GRIN2A: variants seen among roughly 807,000 people sequenced by gnomAD.
The protein encoded by GRIN2A is glutamate ionotropic receptor NMDA type subunit 2A.
A neutral mutation model predicts 113.4 loss-of-function variants in GRIN2A; 22 were observed. The ratio of observed to expected loss-of-function variants is 0.19; its 90% confidence interval spans 0.14 to 0.28. The LOEUF is 0.28. Ranked by LOEUF, GRIN2A falls within the 10% of genes least tolerant of loss-of-function variation. The pLI is 1.00. For missense variants in GRIN2A, 1,502 were observed against 1,887.0 expected, an observed-to-expected ratio of 0.80 and a Z score of 3.78; for synonymous variants, 827 against 738.4, an observed-to-expected ratio of 1.12 and a Z score of -1.94.
At chr16:9,995,910 G>C (rs1232986590) in intron 2 of GRIN2A, among the ~76,000 whole-genome samples, 1 of 149,818 alleles carries the variant, frequency 6.7e-6, no homozygotes, top group East Asian at 2.0e-4. Context: ...GGGAGGTAGA[G>C]AAATAAACTA....
chr16:9,896,954 T>C (rs1477618356), intron 3 of GRIN2A, among the ~76,000 whole-genome samples: 4 of 152,212 alleles, frequency 2.6e-5, no homozygotes, highest in Non-Finnish European at 5.9e-5. Context: ...TGCTTATCTC[T>C]ACAAAATTGA....
chr16:9,930,645 A>G (rs567350739), intron 3 of GRIN2A, among the ~76,000 whole-genome samples: 1 of 152,352 alleles, frequency 6.6e-6, no homozygotes, highest in African/African-American at 2.4e-5. Context: ...AAATATTTGC[A>G]AAGAGTTAAT....
At chr16:10,044,028 G>T (rs1284587591) in intron 2 of GRIN2A, among the ~76,000 whole-genome samples, 1,404 of 131,746 alleles carry the variant, frequency 0.011, 20 homozygotes, top group East Asian at 0.064. Context: ...TATATAGAGA[G>T]AGAGAGAGAG....
In GRIN2A at chr16:9,754,155, A is replaced by C. The variant is rs1039570832; in HGVS notation, c.*8994T>G. On this transcript the variant is annotated 3_prime_UTR_variant, in exon 13 of 13. Coordinates refer to ENST00000330684, the MANE Select transcript of GRIN2A (RefSeq NM_001134407.3). ...TTTCTGAACATTCAGCTTGAAATAT[A>C]TATACTATACATAAACATATACACA... 5.4e-6 allele frequency: 1 copy of C among 185,762 alleles called. No homozygotes were observed. Among genetic ancestry groups the C allele is most frequent in the Non-Finnish European group, 1.1e-5 (1 of 87,836 alleles). 11.5% of individuals were successfully genotyped at this position (185,762 alleles called of 1,614,324 possible).
At chr16:10,064,951 G>A (rs772207970) in intron 2 of GRIN2A, among the ~76,000 whole-genome samples, 1 of 152,124 alleles carries the variant, frequency 6.6e-6, no homozygotes, top group Non-Finnish European at 1.5e-5. Flanking sequence ...CTTTTTCAAT[G>A]TCACCTACCT....
chr16:10,112,903 G>A, intron 2 of GRIN2A: 6 of 449,238 alleles, frequency 1.3e-5, no homozygotes, highest in Non-Finnish European at 2.6e-5. Flanking sequence ...TGGAGGATGA[G>A]GTGGTGGAGG....
chr16:9,842,044 A>G (rs28373037), intron 5 of GRIN2A, among the ~76,000 whole-genome samples: 6,677 of 152,236 alleles, frequency 0.044, 497 homozygotes, highest in African/African-American at 0.15. Context: ...TGAGGTCAGG[A>G]GTTCAAGACC....
At chr16:10,096,410 G>A (rs553952977) in intron 2 of GRIN2A, among the ~76,000 whole-genome samples, 29 of 151,978 alleles carry the variant, frequency 1.9e-4, no homozygotes, top group South Asian at 4.2e-4. Flanking sequence ...GTGGTGTACC[G>A]GCAACCTGTG....
chr16:9,856,745 T>G (rs2141386220), intron 4 of GRIN2A, among the ~76,000 whole-genome samples: 1 of 152,244 alleles, frequency 6.6e-6, no homozygotes, highest in East Asian at 1.9e-4. Flanking sequence ...AACATGCTAC[T>G]TTTATTATCT....
At chr16:10,148,252 GT>G (rs2049487136) in intron 2 of GRIN2A, among the ~76,000 whole-genome samples, 3 of 152,284 alleles carry the variant, frequency 2.0e-5, no homozygotes, top group African/African-American at 7.2e-5. Flanking sequence ...AGCTCCTTTT[GT>G]GCTAAAACGG....
intron 11 of GRIN2A, among the ~76,000 whole-genome samples, chr16:9,773,624 G>C (rs1028391707): frequency 1.1e-4 from 17 of 152,152 alleles, no homozygotes; most frequent in Non-Finnish European, 2.2e-4. Flanking sequence ...CACCGGAGAG[G>C]ACTGGTCCCC....
At chr16:10,047,240 C>G (rs984968929) in intron 2 of GRIN2A, among the ~76,000 whole-genome samples, 4 of 152,216 alleles carry the variant, frequency 2.6e-5, no homozygotes, top group African/African-American at 9.6e-5. Flanking sequence ...AAAACAACCA[C>G]AACCATTATT....
At chr16:10,112,184 C>T (rs557859063) in intron 2 of GRIN2A, 24 of 584,006 alleles carry the variant, frequency 4.1e-5, no homozygotes, top group Admixed American at 1.7e-4. Flanking sequence ...TAGGCATCAA[C>T]GTCATAGTCT....
chr16:9,895,500 T>A (rs949767697), intron 3 of GRIN2A, among the ~76,000 whole-genome samples: 1 of 152,142 alleles, frequency 6.6e-6, no homozygotes, highest in Non-Finnish European at 1.5e-5. Flanking sequence ...TCATCTTGTG[T>A]TTATTTGGAA....
chr16:9,927,204 G>C (rs946406849), intron 3 of GRIN2A, among the ~76,000 whole-genome samples: 2 of 152,192 alleles, frequency 1.3e-5, no homozygotes, highest in Non-Finnish European at 2.9e-5. Context: ...CCTCCTGTAA[G>C]AATCTATGGA....
At chr16:10,053,916 C>T (rs907747646) in intron 2 of GRIN2A, among the ~76,000 whole-genome samples, 2 of 151,346 alleles carry the variant, frequency 1.3e-5, no homozygotes, top group Admixed American at 6.6e-5. Context: ...AAAGATCCTA[C>T]GTGGATAAAG....
chr16:9,991,030 A>G (rs955972072), intron 2 of GRIN2A, among the ~76,000 whole-genome samples: 7 of 152,062 alleles, frequency 4.6e-5, no homozygotes, highest in Non-Finnish European at 8.8e-5. Context: ...TCACGCCACT[A>G]CACTCCAGCC....
intron 4 of GRIN2A, among the ~76,000 whole-genome samples, chr16:9,878,341 A>G (rs1045415627): frequency 2.0e-5 from 3 of 152,186 alleles, no homozygotes; most frequent in African/African-American, 7.2e-5. Flanking sequence ...CTCCTATAAC[A>G]TGAGGATAGA....
intron 11 of GRIN2A, among the ~76,000 whole-genome samples, chr16:9,779,173 C>T (rs1170898235): frequency 2.0e-5 from 3 of 152,196 alleles, no homozygotes; most frequent in Non-Finnish European, 4.4e-5. Context: ...AGCATGGAGC[C>T]TGGTCTCCCA....
Sources: gnomAD v4.1 joint callset for allele counts (sites outside exome capture counted in the v4.1 genomes callset) on GRCh38, gnomAD v4.1.1 for gene constraint, MANE v1.5 for transcripts, NCBI Gene and HGNC (gene_info 2026-07-23, HGNC 2026-07-21) for gene names.